Variants in MTSS1 observed in about 807,000 individuals in gnomAD.
The protein encoded by MTSS1 is MTSS I-BAR domain containing 1, also known as protein MTSS 1.
MTSS1 carries 18 observed loss-of-function variants against 79.0 expected under a neutral mutation model. The observed-to-expected ratio is 0.23, with a 90% CI of 0.16 to 0.34. The LOEUF is 0.34. Ranked by LOEUF, MTSS1 falls within the 10% of genes least tolerant of loss-of-function variation. The probability of loss-of-function intolerance (pLI) is 1.00; values close to 1 mark genes in which losing one functional copy is unlikely to be tolerated. For missense variants in MTSS1, 815 were observed against 986.2 expected (o/e 0.83, Z 2.33); for synonymous variants, 341 against 368.6 (o/e 0.93, Z 0.86).
In MTSS1 at chr8:124,695,244, G is replaced by A. The variant is rs547144252; in HGVS notation, c.208+4282C>T. ...ATGCTAATATTTTGGAAACCAGAGC[G>A]ACCTGCTAGCTTGAAATGCTGGGCA... On this transcript the variant is annotated intron_variant, in intron 3 of 13. Transcript: ENST00000518547. Among the ~76,000 whole-genome samples, 10 of 152,154 alleles carry A rather than the reference G, an allele frequency of 6.6e-5. 1 individual carries two copies. The South Asian group carries it at 1.7e-3, about 25-fold the overall frequency.
chr8:124,628,081 C>T (rs1416026757), intron 3 of MTSS1, among the ~76,000 whole-genome samples: 1 of 152,098 alleles, frequency 6.6e-6, no homozygotes, highest in East Asian at 1.9e-4. Context: ...GCAGGAATAT[C>T]GCTTGAACCC....
At chr8:124,706,409 G>C (rs985174177) in intron 1 of MTSS1, among the ~76,000 whole-genome samples, 1 of 152,152 alleles carries the variant, frequency 6.6e-6, no homozygotes, top group Non-Finnish European at 1.5e-5. Flanking sequence ...GATCAAATTA[G>C]AGGTTCTGGC....
intron 3 of MTSS1, among the ~76,000 whole-genome samples, chr8:124,673,012 C>T (rs1824576927): frequency 6.6e-6 from 1 of 152,056 alleles, no homozygotes. Context: ...ATCTTGCAAG[C>T]CATGAGGATT....
intron 3 of MTSS1, among the ~76,000 whole-genome samples, chr8:124,658,965 G>A (rs759095973): frequency 1.3e-5 from 2 of 152,132 alleles, no homozygotes. Flanking sequence ...TTTCTTTTAG[G>A]AGCCTCAACT....
chr8:124,719,371 G>C (rs116371788), intron 1 of MTSS1, among the ~76,000 whole-genome samples: 12 of 152,162 alleles, frequency 7.9e-5, no homozygotes, highest in Admixed American at 7.9e-4. Flanking sequence ...AGTTCCGAGC[G>C]AGGGTGTCAC....
rs1247781421 is a variant in MTSS1 at position 124,683,748 on chromosome 8, C to A, written c.208+15778G>T. On this transcript the variant is annotated intron_variant, in intron 3 of 13. Coordinates refer to ENST00000518547, the MANE Select transcript of MTSS1 (RefSeq NM_014751.6). This position sits in a 1 kb window ranked among gnomAD's most constrained non-coding sequence, Gnocchi z 4.5. ...TGAGCAGACACACTCAGGACCAAGACCCCATAATACAGCAGTTAAAAGCCT... is the reference window on the plus strand; with the variant it reads ...TGAGCAGACACACTCAGGACCAAGAACCCATAATACAGCAGTTAAAAGCCT... Among the ~76,000 whole-genome samples the A allele has an allele frequency of 1.3e-5, 2 of 152,198 alleles. No individual in the cohort carries two copies. Among genetic ancestry groups the A allele is most frequent in the Non-Finnish European group, 2.9e-5 (2 of 68,034 alleles).
intron 9 of MTSS1, chr8:124,564,810 T>G: frequency 6.6e-6 from 1 of 152,046 alleles, no homozygotes; most frequent in Non-Finnish European, 1.5e-5. Flanking sequence ...GCTAAGTGTG[T>G]AGTGTACAAG....
At chr8:124,561,124 C>G (rs1276611028) in intron 10 of MTSS1, among the ~76,000 whole-genome samples, 1 of 152,102 alleles carries the variant, frequency 6.6e-6, no homozygotes, top group Non-Finnish European at 1.5e-5. Flanking sequence ...TTGTAGCATC[C>G]CTGAGCTCAT....
At chr8:124,599,295 C>A (rs1364010381) in intron 3 of MTSS1, among the ~76,000 whole-genome samples, 1 of 152,080 alleles carries the variant, frequency 6.6e-6, no homozygotes, top group Admixed American at 6.6e-5. Context: ...ACCAGCCTGG[C>A]CAACATGGTG....
chr8:124,601,929 G>C (rs76623022), intron 3 of MTSS1, among the ~76,000 whole-genome samples: 2,403 of 152,152 alleles, frequency 0.016, 63 homozygotes, highest in African/African-American at 0.054. Context: ...GAAAGTAAGA[G>C]TGTTTCCAAA....
At chr8:124,628,453 G>A (rs374562364) in intron 3 of MTSS1, among the ~76,000 whole-genome samples, 1 of 152,068 alleles carries the variant, frequency 6.6e-6, no homozygotes, top group African/African-American at 2.4e-5. Flanking sequence ...TGGCATTTAT[G>A]ATCCTTATTA....
At chr8:124,632,507 C>CA (rs914241670) in intron 3 of MTSS1, among the ~76,000 whole-genome samples, 5 of 150,878 alleles carry the variant, frequency 3.3e-5, no homozygotes, top group African/African-American at 9.7e-5. Flanking sequence ...ATAAAAAATT[C>CA]AAAAAAAAAT....
intron 3 of MTSS1, among the ~76,000 whole-genome samples, chr8:124,616,793 A>G (rs1008805628): frequency 1.2e-4 from 18 of 152,244 alleles, no homozygotes; most frequent in African/African-American, 4.1e-4. Context: ...ACTTGTTGAA[A>G]TCTTCAGATT....
chr8:124,573,983 C>T (rs1047008978), intron 6 of MTSS1, among the ~76,000 whole-genome samples: 4 of 152,122 alleles, frequency 2.6e-5, no homozygotes, highest in African/African-American at 9.7e-5. Flanking sequence ...AGGCAGCACC[C>T]CTAAAGAAGG....
chr8:124,678,668 A>C (rs968517603), intron 3 of MTSS1, among the ~76,000 whole-genome samples: 6 of 152,188 alleles, frequency 3.9e-5, no homozygotes, highest in African/African-American at 1.4e-4. Flanking sequence ...TCCCTCCCAC[A>C]ACTCGTAAGG....
chr8:124,557,904 A>C (rs780298777), intron 10 of MTSS1, 29 bp from the exon 11 acceptor site: 13 of 1,517,022 alleles, frequency 8.6e-6, no homozygotes, highest in Non-Finnish European at 1.2e-5. Flanking sequence ...AGGGGGGGGG[A>C]AGGAAAAAAA....
intron 3 of MTSS1, among the ~76,000 whole-genome samples, chr8:124,649,413 C>T (rs989276335): frequency 6.6e-6 from 1 of 152,112 alleles, no homozygotes; most frequent in Admixed American, 6.5e-5. Context: ...GCGATGGAGT[C>T]GGGGGCGCTG....
chr8:124,556,079 T>C lies in MTSS1; in HGVS notation c.1404+153A>G, dbSNP rs562424619. The C allele has an allele frequency of 5.4e-4, 836 of 1,544,910 alleles. 1 individual carries two copies. Among genetic ancestry groups the C allele is most frequent in the Non-Finnish European group, 6.9e-4 (795 of 1,148,420 alleles). On this transcript the variant is annotated intron_variant, in intron 12 of 13. Coordinates refer to ENST00000518547, the MANE Select transcript of MTSS1 (RefSeq NM_014751.6). ...CTCTCATTCCCACACAAGGTTTTTT[T>C]CCCAGGGACTTTGCTGTAGAGCAGG...
chr8:124,559,368 C>G (rs1259899945), intron 10 of MTSS1, among the ~76,000 whole-genome samples: 1 of 152,192 alleles, frequency 6.6e-6, no homozygotes, highest in Non-Finnish European at 1.5e-5. Context: ...TCAAATGCAG[C>G]CTGTGGATCC....
Sources: gnomAD v4.1 joint callset for allele counts (sites outside exome capture counted in the v4.1 genomes callset) on GRCh38, gnomAD v4.1.1 for gene constraint, Gnocchi (gnomAD v3.1) non-coding constraint, MANE v1.5 for transcripts, NCBI Gene and HGNC (gene_info 2026-07-23, HGNC 2026-07-21) for gene names.